Variants in PACRG observed in about 807,000 individuals in gnomAD.
The protein encoded by PACRG is parkin coregulated, also known as parkin coregulated gene protein.
A neutral mutation model predicts 29.7 loss-of-function variants in PACRG; 29 were observed. The ratio of observed to expected loss-of-function variants is 0.98; its 90% CI spans 0.73 to 1.33. The LOEUF (loss-of-function observed/expected upper bound fraction) is 1.33, where lower values mean the gene tolerates loss of function less well. PACRG is among the 40% of genes most tolerant of loss of function. The pLI, the probability that PACRG is intolerant of heterozygous loss-of-function variation, is 0.00. For synonymous variants in PACRG, 116 were observed against 118.7 expected (o/e 0.98, Z 0.15); for missense variants, 279 against 316.2 (o/e 0.88, Z 0.89).
At chr6:163,178,485 G>A (rs1376921754) in intron 4 of PACRG, among the ~76,000 whole-genome samples, 1 of 152,282 alleles carries the variant, frequency 6.6e-6, no homozygotes, top group South Asian at 2.1e-4. Flanking sequence ...TTGAGACACA[G>A]ACACATGCAG....
At chr6:163,214,753 A>T (rs1781295090) in intron 4 of PACRG, among the ~76,000 whole-genome samples, 1 of 151,994 alleles carries the variant, frequency 6.6e-6, no homozygotes. Flanking sequence ...TCTTTCCAGT[A>T]TTCAAACTTT....
chr6:163,147,247 A>G (rs1205667), intron 4 of PACRG, among the ~76,000 whole-genome samples: 52,171 of 152,176 alleles, frequency 0.34, 9,277 homozygotes, highest in East Asian at 0.55. Context: ...AGGAAGCAAT[A>G]TGAGCATTAC....
intron 2 of PACRG, among the ~76,000 whole-genome samples, chr6:162,933,570 C>T: frequency 8.0e-6 from 1 of 125,084 alleles, no homozygotes; most frequent in African/African-American, 3.0e-5. Flanking sequence ...CTAAATTTAT[C>T]ATTTTATCAG....
chr6:162,955,971 G>A (rs1584861772), intron 2 of PACRG, among the ~76,000 whole-genome samples: 2 of 152,202 alleles, frequency 1.3e-5, no homozygotes, highest in South Asian at 2.1e-4. Flanking sequence ...CGACATGGTG[G>A]TGGTGGGAGA....
intron 4 of PACRG, among the ~76,000 whole-genome samples, chr6:163,163,519 GC>G: frequency 6.6e-6 from 1 of 152,146 alleles, no homozygotes; most frequent in Non-Finnish European, 1.5e-5. Context: ...TGACGCGCCT[GC>G]CTCGGCCTCA....
rs142996988 is a variant in PACRG, at chr6:162,916,909, G to A, written c.291+102628G>A. ...CTTTCTCAGATCAGCAGTGGTTAAT[G>A]TGTGGCACTCCCAGCCAAACTTACG... On this transcript the variant is annotated intron_variant, in intron 2 of 4. Coordinates refer to ENST00000366888, the MANE Select transcript of PACRG (RefSeq NM_001080379.2). Among the ~76,000 whole-genome samples, 640 of 152,194 alleles carry A rather than the reference G, an allele frequency of 4.2e-3. 6 individuals carry two copies. Among genetic ancestry groups the A allele is most frequent in the Non-Finnish European group, 7.4e-3 (502 of 67,990 alleles).
chr6:163,110,777 G>A (rs1815671077), intron 4 of PACRG, among the ~76,000 whole-genome samples: 1 of 152,224 alleles, frequency 6.6e-6, no homozygotes. Flanking sequence ...CCAGCTAACT[G>A]AAGCAGAGTA....
rs924481137 is a variant in PACRG, at chr6:163,101,367, G to A, written c.613+11959G>A. 7 of 980,096 alleles carry A rather than the reference G, an allele frequency of 7.1e-6. 1 individual carries two copies. The African/African-American group carries it at 8.8e-5, about 12-fold the overall frequency. The allele number at this position is 980,096 out of a possible 1,614,324, so 60.7% of individuals were successfully genotyped here. A position where few individuals can be genotyped will look rare whatever the true frequency, so the allele number is the denominator to read the frequency against. On this transcript the variant is annotated intron_variant, in intron 4 of 4. Transcript: ENST00000366888. ...TTGGATATTTATTTGTGTACATCGG[G>A]TTTTGAGGAGTTCATAGTTTTTCTA...
At chr6:163,265,171 AG>A (rs1248365776) in intron 4 of PACRG, among the ~76,000 whole-genome samples, 1 of 152,208 alleles carries the variant, frequency 6.6e-6, no homozygotes, top group Non-Finnish European at 1.5e-5. Context: ...CTCTAAAGAT[AG>A]TATGTTGTAG....
chr6:162,777,596 T>C lies in PACRG; in HGVS notation c.157-36551T>C, dbSNP rs930216129. On this transcript the variant is annotated intron_variant, in intron 1 of 4. Transcript: ENST00000366888. This position sits in a 1 kb window ranked among gnomAD's most constrained non-coding sequence, Gnocchi z 4.0. The stretch of plus-strand genomic sequence containing the variant: ...TTAATCACAGCCTCCTATCCTCAAG[T>C]TCTAGGTAAAATTGCCAAAGTAGAC... Among the ~76,000 whole-genome samples, 15 of 152,174 alleles carry C rather than the reference T, an allele frequency of 9.9e-5. No individual in the cohort carries two copies. Among genetic ancestry groups the C allele is most frequent in the Non-Finnish European group, 2.2e-4 (15 of 68,026 alleles).
At chr6:162,753,311 G>A (rs1781656257) in intron 1 of PACRG, among the ~76,000 whole-genome samples, 1 of 149,128 alleles carries the variant, frequency 6.7e-6, no homozygotes, top group Admixed American at 6.7e-5. Flanking sequence ...ACTTCTATGA[G>A]TTCAACTTTG....
intron 2 of PACRG, among the ~76,000 whole-genome samples, chr6:162,913,326 C>T (rs1010704450): frequency 6.6e-6 from 1 of 152,136 alleles, no homozygotes; most frequent in African/African-American, 2.4e-5. Flanking sequence ...TTGTGGGGGA[C>T]GTATGTGGCT....
At chr6:162,806,870 G>A (rs1786385002) in intron 1 of PACRG, among the ~76,000 whole-genome samples, 1 of 152,276 alleles carries the variant, frequency 6.6e-6, no homozygotes, top group South Asian at 2.1e-4. Flanking sequence ...AGTAGCTTTA[G>A]CAGCCCAGTG....
At chr6:163,129,925 G>T (rs1268764292) in intron 4 of PACRG, among the ~76,000 whole-genome samples, 1 of 152,222 alleles carries the variant, frequency 6.6e-6, no homozygotes, top group Non-Finnish European at 1.5e-5. Context: ...ATTAGAAGGG[G>T]TGGATCATTC....
chr6:163,116,465 A>T (rs2025343), intron 4 of PACRG, among the ~76,000 whole-genome samples: 13,489 of 151,828 alleles, frequency 0.089, 669 homozygotes, highest in Non-Finnish European at 0.097. Context: ...AATGGGGGGG[A>T]TGTGTCTGGG....
chr6:162,776,679 A>C (rs754472741), intron 1 of PACRG, among the ~76,000 whole-genome samples: 7 of 152,234 alleles, frequency 4.6e-5, no homozygotes, highest in Non-Finnish European at 8.8e-5. Context: ...GTAGGAGCCC[A>C]TACAAGTGAG....
chr6:163,040,708 A>G (rs533629201), intron 2 of PACRG, among the ~76,000 whole-genome samples: 1 of 152,292 alleles, frequency 6.6e-6, no homozygotes, highest in South Asian at 2.1e-4. Context: ...CAGTTTTCAG[A>G]CTTTCATGGG....
chr6:162,920,874 A>G (rs1278309474), intron 2 of PACRG, among the ~76,000 whole-genome samples: 1 of 152,212 alleles, frequency 6.6e-6, no homozygotes. Flanking sequence ...AATAGGGAGA[A>G]CAAATGCTAT....
intron 4 of PACRG, among the ~76,000 whole-genome samples, chr6:163,092,725 G>A (rs979027934): frequency 2.6e-5 from 4 of 152,088 alleles, no homozygotes; most frequent in Non-Finnish European, 5.9e-5. Context: ...GGTGTTCAGG[G>A]CACCTTCACA....
Sources: gnomAD v4.1 joint callset for allele counts (sites outside exome capture counted in the v4.1 genomes callset) on GRCh38, gnomAD v4.1.1 for gene constraint, Gnocchi (gnomAD v3.1) non-coding constraint, MANE v1.5 for transcripts, NCBI Gene and HGNC (gene_info 2026-07-23, HGNC 2026-07-21) for gene names.